CPXM2: variants seen among roughly 807,000 people sequenced by gnomAD.
CPXM2 encodes inactive carboxypeptidase-like protein X2.
In CPXM2, 66 loss-of-function variants were observed where a neutral mutation model predicts 86.1. The observed-to-expected ratio is 0.77, with a 90% CI of 0.63 to 0.94. CPXM2 has a LOEUF of 0.94. CPXM2 is among the 40% of genes least tolerant of loss of function. CPXM2 has a pLI of 0.00. For missense variants in CPXM2, 948 were observed against 1,026.3 expected, an observed-to-expected ratio of 0.92 and a Z score of 1.04; for synonymous variants, 388 against 400.2, an observed-to-expected ratio of 0.97 and a Z score of 0.36.
intron 6 of CPXM2, among the ~76,000 whole-genome samples, chr10:123,793,235 C>A (rs967753319): frequency 1.3e-5 from 2 of 151,864 alleles, no homozygotes; most frequent in African/African-American, 2.4e-5. Flanking sequence ...GAGGCCGAGG[C>A]GGGTGGATGA....
rs149844796 is a variant in CPXM2, at chr10:123,880,254, G to A, written c.360C>T (p.Asn120=). The part of the protein sequence containing the change: ...MRTKSSEKAA[N]DDHSVRVARE... ...GGGCCACACGGACACTGTGATCATC[G>A]TTGGCAGCCTTCTCAGAGCTCTTGG... Residue 120 remains asparagine, a synonymous_variant, in exon 2 of 14, where the codon AAC becomes AAT. Coordinates refer to ENST00000241305, the MANE Select transcript of CPXM2 (RefSeq NM_198148.3). 6.9e-4 allele frequency: 1,105 copies of A among 1,597,912 alleles called. 7 individuals carry two copies. Among genetic ancestry groups the A allele is most frequent in the Admixed American group, 5.4e-4 (32 of 59,224 alleles).
chr10:123,793,992 C>T (rs1348819936), intron 6 of CPXM2, among the ~76,000 whole-genome samples: 2 of 152,062 alleles, frequency 1.3e-5, no homozygotes, highest in Non-Finnish European at 2.9e-5. Flanking sequence ...CAGGCGGTGG[C>T]CTTACAATTA....
At position 123,751,752 on chromosome 10, in the gene CPXM2, G is replaced by A. The variant is rs75514454; in HGVS notation, c.2017+2911C>T. ...ACATAAACCTCAGATAGAAATCAAGGCAAATTCAGAGCTTTTCTTGAGAAC... is the reference window on the plus strand; with the variant it reads ...ACATAAACCTCAGATAGAAATCAAGACAAATTCAGAGCTTTTCTTGAGAAC... On this transcript the variant is annotated intron_variant, in intron 13 of 13. Transcript: ENST00000241305. 2,933 of 985,320 alleles carry A rather than the reference G, an allele frequency of 3.0e-3. 75 individuals are homozygous for A. The African/African-American group carries it at 0.047, about 16-fold the overall frequency. 61.0% of individuals were successfully genotyped at this position (985,320 alleles called of 1,614,324 possible). A position where few individuals can be genotyped will look rare whatever the true frequency, so the allele number is the denominator to read the frequency against.
chr10:123,782,137 T>G (rs547368417), intron 6 of CPXM2, among the ~76,000 whole-genome samples: 1 of 152,348 alleles, frequency 6.6e-6, no homozygotes, highest in South Asian at 2.1e-4. Context: ...GCCTCAGTGA[T>G]TTCTCAAGCC....
chr10:123,847,617 G>A (rs1848523035), intron 3 of CPXM2, among the ~76,000 whole-genome samples: 1 of 152,168 alleles, frequency 6.6e-6, no homozygotes, highest in African/African-American at 2.4e-5. Flanking sequence ...GTGCTTGATG[G>A]TAGTCAGGGG....
At chr10:123,786,783 A>G (rs1337270351) in intron 6 of CPXM2, among the ~76,000 whole-genome samples, 1 of 152,156 alleles carries the variant, frequency 6.6e-6, no homozygotes, top group African/African-American at 2.4e-5. Context: ...CACCAAAAAA[A>G]GACAAGATCC....
intron 2 of CPXM2, among the ~76,000 whole-genome samples, chr10:123,928,806 A>G (rs375442102): frequency 2.0e-5 from 3 of 152,350 alleles, no homozygotes; most frequent in African/African-American, 7.2e-5. Context: ...GGCTTCCCAG[A>G]CATCAGAGAT....
chr10:123,800,504 T>C (rs1847434065), intron 4 of CPXM2, among the ~76,000 whole-genome samples: 2 of 152,124 alleles, frequency 1.3e-5, no homozygotes, highest in African/African-American at 4.8e-5. Context: ...AGCAACCTGT[T>C]TCCCACACAC....
intron 2 of CPXM2, among the ~76,000 whole-genome samples, chr10:123,914,813 G>A (rs910651229): frequency 6.6e-6 from 1 of 152,126 alleles, no homozygotes; most frequent in African/African-American, 2.4e-5. Context: ...CTCCTGACTA[G>A]TCTCCATGCT....
At chr10:123,906,013 G>A (rs1019395360) in intron 2 of CPXM2, among the ~76,000 whole-genome samples, 4 of 152,150 alleles carry the variant, frequency 2.6e-5, no homozygotes, top group East Asian at 1.9e-4. Flanking sequence ...GGCCAGTGAC[G>A]CCCAGGTACT....
chr10:123,777,920 A>G lies in CPXM2; in HGVS notation c.978+2247T>C, dbSNP rs1846836851. Among the ~76,000 whole-genome samples the G allele has an allele frequency of 2.6e-5, 4 of 152,318 alleles. No homozygotes were observed. The South Asian group carries it at 8.3e-4, about 32-fold the overall frequency. The stretch of plus-strand genomic sequence containing the variant: ...CAAGTGAGGGAGACAGGCAATGTAC[A>G]TATAAACCAGCAATTAAGCAAGTAT... On this transcript the variant is annotated intron_variant, in intron 7 of 13. Transcript: ENST00000241305.
chr10:123,869,680 C>T (rs547437161), intron 2 of CPXM2, among the ~76,000 whole-genome samples: 29 of 152,252 alleles, frequency 1.9e-4, no homozygotes, highest in Admixed American at 8.5e-4. Flanking sequence ...CCCCACCCCA[C>T]GCACGTACTG....
chr10:123,836,334 C>T (rs1564791214), intron 4 of CPXM2, among the ~76,000 whole-genome samples: 1 of 152,150 alleles, frequency 6.6e-6, no homozygotes, highest in Non-Finnish European at 1.5e-5. Context: ...TCTCCCACAG[C>T]GGCTCCTGAA....
intron 11 of CPXM2, among the ~76,000 whole-genome samples, chr10:123,759,573 C>T (rs2133983265): frequency 6.6e-6 from 1 of 152,206 alleles, no homozygotes; most frequent in East Asian, 1.9e-4. Context: ...ATGCGACTTC[C>T]TGTCTGAAGT....
intron 1 of CPXM2, among the ~76,000 whole-genome samples, chr10:123,939,756 A>T (rs1431897534): frequency 2.6e-5 from 4 of 152,158 alleles, no homozygotes; most frequent in Non-Finnish European, 5.9e-5. Context: ...GTGGGAGCAC[A>T]GAGGCCCAAG....
chr10:123,849,661 C>T lies in CPXM2; in HGVS notation c.514-7173G>A, dbSNP rs182844297. On this transcript the variant is annotated intron_variant, in intron 3 of 13. Transcript: ENST00000241305. ...CTCCTGACCTCAGGTGATCCGCCTG[C>T]TTCAACCTCCCAAAGTGCTGGGATT... Among the ~76,000 whole-genome samples the T allele has an allele frequency of 1.3e-3, 192 of 152,268 alleles. 1 individual carries two copies. The highest frequency in any genetic ancestry group is 4.2e-3 in the African/African-American group (173 of 41,558).
At chr10:123,785,504 G>A (rs1847032732) in intron 6 of CPXM2, among the ~76,000 whole-genome samples, 2 of 152,144 alleles carry the variant, frequency 1.3e-5, no homozygotes, top group African/African-American at 2.4e-5. Context: ...AAAGTGTCGT[G>A]TCGTTGGAAC....
intron 3 of CPXM2, among the ~76,000 whole-genome samples, chr10:123,846,227 C>A (rs1848491612): frequency 1.3e-5 from 2 of 152,198 alleles, no homozygotes; most frequent in South Asian, 2.1e-4. Flanking sequence ...TAAAATTACA[C>A]AACTTACCAT....
At position 123,754,646 on chromosome 10, in the gene CPXM2, C is replaced by A; in HGVS notation, c.2017+17G>T. 7.5e-7 allele frequency: 1 copy of A among 1,332,308 alleles called. No homozygotes were observed. Among genetic ancestry groups the A allele is most frequent in the Non-Finnish European group, 1.1e-6 (1 of 922,774 alleles). 82.5% of individuals were successfully genotyped at this position (1,332,308 alleles called of 1,614,324 possible). ...GTATTTCTTACCAAGAGACAGTCTG[C>A]ACACATTTGCAGTTACCTGTTCGGA... On this transcript the variant is annotated intron_variant, in intron 13 of 13. Transcript: ENST00000241305. This position sits in a 1 kb window ranked among gnomAD's most constrained non-coding sequence, Gnocchi z 4.0.
Sources: gnomAD v4.1 joint callset for allele counts (sites outside exome capture counted in the v4.1 genomes callset) on GRCh38, gnomAD v4.1.1 for gene constraint, Gnocchi (gnomAD v3.1) non-coding constraint, MANE v1.5 for transcripts, NCBI Gene and HGNC (gene_info 2026-07-23, HGNC 2026-07-21) for gene names.